The following SLC44A5 variants were observed in gnomAD, a reference collection of about 807,000 sequenced individuals.
SLC44A5 encodes the protein choline transporter-like protein 5.
SLC44A5 carries 57 observed loss-of-function variants against 101.8 expected under a neutral mutation model. The observed-to-expected ratio is 0.56, with a 90% CI of 0.45 to 0.70. The LOEUF (loss-of-function observed/expected upper bound fraction) is 0.70. Ranked by LOEUF, SLC44A5 falls within the 30% of genes least tolerant of loss-of-function variation. The pLI, the probability that SLC44A5 is intolerant of heterozygous loss-of-function variation, is 0.00. For missense variants in SLC44A5, 737 were observed against 853.1 expected (o/e 0.86, Z 1.70); for synonymous variants, 281 against 290.9 (o/e 0.97, Z 0.35).
At chr1:75,504,568 T>G (rs759944623) in intron 2 of SLC44A5, among the ~76,000 whole-genome samples, 3 of 152,138 alleles carry the variant, frequency 2.0e-5, no homozygotes, top group Non-Finnish European at 4.4e-5. Flanking sequence ...ACAGATAAAA[T>G]GTAGACACAA....
At chr1:75,265,825 T>C (rs1650936363) in intron 6 of SLC44A5, among the ~76,000 whole-genome samples, 1 of 152,164 alleles carries the variant, frequency 6.6e-6, no homozygotes, top group Non-Finnish European at 1.5e-5. Flanking sequence ...CATCAGACAA[T>C]GTTCAAAGTA....
intron 23 of SLC44A5, chr1:75,206,768 T>C (rs753911292): frequency 2.9e-6 from 3 of 1,037,540 alleles, no homozygotes. Flanking sequence ...AGCAGAACAA[T>C]TATACACATT....
At chr1:75,634,048 G>A in the SLC44A5 span, among the ~76,000 whole-genome samples, 283 of 152,234 alleles carry the variant, frequency 1.9e-3, no homozygotes, top group Non-Finnish European at 3.2e-3. Flanking sequence ...TATTGAACCA[G>A]CCTTGCATCC....
At chr1:75,549,580 A>T (rs1392710398) in intron 1 of SLC44A5, among the ~76,000 whole-genome samples, 1 of 152,148 alleles carries the variant, frequency 6.6e-6, no homozygotes, top group East Asian at 1.9e-4. Context: ...ATAGGTGCAG[A>T]TGGTAGGAAT....
At chr1:75,262,730 T>G (rs1301003506) in intron 6 of SLC44A5, among the ~76,000 whole-genome samples, 1 of 152,108 alleles carries the variant, frequency 6.6e-6, no homozygotes. Flanking sequence ...GACTTCAAAC[T>G]ATACTACAAG....
chr1:75,680,766 C>G, the SLC44A5 span, among the ~76,000 whole-genome samples: 11,573 of 151,262 alleles, frequency 0.077, 1,488 homozygotes, highest in African/African-American at 0.27. Flanking sequence ...AAAATCAGAG[C>G]AGAACTGAAG....
intron 3 of SLC44A5, among the ~76,000 whole-genome samples, chr1:75,364,471 A>T (rs1239666936): frequency 4.6e-5 from 7 of 152,142 alleles, no homozygotes. Context: ...AACAAGAGGG[A>T]TGATGCTAAA....
At chr1:75,551,984 T>G (rs1195986579) in intron 1 of SLC44A5, among the ~76,000 whole-genome samples, 1 of 152,182 alleles carries the variant, frequency 6.6e-6, no homozygotes, top group Non-Finnish European at 1.5e-5. Flanking sequence ...TCTGAAAAAT[T>G]TCTTTTTTAG....
At chr1:75,438,245 A>G (rs1664998037) in intron 2 of SLC44A5, among the ~76,000 whole-genome samples, 1 of 152,150 alleles carries the variant, frequency 6.6e-6, no homozygotes, top group Non-Finnish European at 1.5e-5. Context: ...TGACCTTGAC[A>G]AGTGTAGTTT....
chr1:75,608,923 A>C (rs1262917692), intron 1 of SLC44A5, among the ~76,000 whole-genome samples: 1 of 151,528 alleles, frequency 6.6e-6, no homozygotes, highest in African/African-American at 2.4e-5. Context: ...GGCACTTTTC[A>C]ATTTTTAATA....
At chr1:75,672,182 G>T in the SLC44A5 span, among the ~76,000 whole-genome samples, 1 of 152,128 alleles carries the variant, frequency 6.6e-6, no homozygotes, top group Non-Finnish European at 1.5e-5. Flanking sequence ...TCAGAAAAGA[G>T]GCGCTGAAAA....
At chr1:75,335,975 T>C (rs964802372) in intron 4 of SLC44A5, among the ~76,000 whole-genome samples, 4 of 152,134 alleles carry the variant, frequency 2.6e-5, no homozygotes, top group African/African-American at 9.7e-5. Flanking sequence ...CTCTTTAGCT[T>C]TTCATATGCT....
the SLC44A5 span, among the ~76,000 whole-genome samples, chr1:75,659,045 G>C: frequency 0.025 from 3,765 of 151,906 alleles, 72 homozygotes; most frequent in Middle Eastern, 0.041. Flanking sequence ...CAAATCCCTG[G>C]ACACAGACAA....
the SLC44A5 span, among the ~76,000 whole-genome samples, chr1:75,699,204 G>A: frequency 1.3e-5 from 2 of 152,006 alleles, no homozygotes; most frequent in Non-Finnish European, 2.9e-5. Context: ...ATAATTGTCA[G>A]ATTCACCAAA....
chr1:75,718,552 C>T, the SLC44A5 span, among the ~76,000 whole-genome samples: 1 of 152,186 alleles, frequency 6.6e-6, no homozygotes, highest in South Asian at 2.1e-4. Flanking sequence ...CAGAGAAACA[C>T]TCTAACGGGG....
chr1:75,690,888 G>A, the SLC44A5 span, among the ~76,000 whole-genome samples: 5 of 152,098 alleles, frequency 3.3e-5, no homozygotes, highest in African/African-American at 4.8e-5. Flanking sequence ...AGCACTTTGG[G>A]AGGCTGCAGC....
chr1:75,286,075 T>G (rs1017538711), intron 5 of SLC44A5, among the ~76,000 whole-genome samples: 1 of 152,086 alleles, frequency 6.6e-6, no homozygotes, highest in African/African-American at 2.4e-5. Context: ...AGGGTTGAAA[T>G]CCCCCACTAT....
At chr1:75,207,640 G>A (rs1208625333) in intron 23 of SLC44A5, among the ~76,000 whole-genome samples, 1 of 152,086 alleles carries the variant, frequency 6.6e-6, no homozygotes, top group African/African-American at 2.4e-5. Context: ...AAGCAAAAGA[G>A]GGAACATGAT....
chr1:75,518,467 G>A (rs1024915543), intron 2 of SLC44A5, among the ~76,000 whole-genome samples: 15 of 152,078 alleles, frequency 9.9e-5, no homozygotes, highest in Non-Finnish European at 1.8e-4. Flanking sequence ...TAACCCGTAA[G>A]CTGTTTGTCT....
Sources: allele counts gnomAD v4.1 joint callset (sites outside exome capture counted in the v4.1 genomes callset), GRCh38; gene constraint gnomAD v4.1.1; transcripts MANE v1.5; gene names NCBI Gene and HGNC (gene_info 2026-07-23, HGNC 2026-07-21).